EPB41L5: variants seen among roughly 807,000 people sequenced by gnomAD.
EPB41L5 encodes the protein band 4.1-like protein 5.
EPB41L5 carries 55 observed loss-of-function variants against 106.6 expected under a neutral mutation model. The observed-to-expected ratio is 0.52, with a 90% CI of 0.42 to 0.65. The LOEUF is 0.65. Among genes scored for constraint, EPB41L5 ranks in the 30% least tolerant of loss-of-function variants. The pLI is 0.00. For missense variants in EPB41L5, 871 were observed against 882.1 expected (o/e 0.99, Z 0.16); for synonymous variants, 297 against 306.7 (o/e 0.97, Z 0.33).
rs375364339 is a variant in EPB41L5 at position 120,090,458 on chromosome 2, G to A, written c.985G>A (p.Val329Ile). The A allele has an allele frequency of 2.7e-5, 44 of 1,613,682 alleles. 1 individual carries two copies. The highest frequency in any genetic ancestry group is 1.1e-4 in the African/African-American group (8 of 74,976). The change falls in exon 12 of 25, where the codon GTC becomes ATC. Residue 329 changes from valine (V) to isoleucine (I), a missense_variant. Transcript: ENST00000263713. ...TGCTTTCTTCCGCCTTCGAGGCCCC[G>A]TCCAAAAGAGTTCTCATCGATCAGG... ...HHAFFRLRGPVQKSSHRSGFI... is the reference protein window; with the variant it reads ...HHAFFRLRGPIQKSSHRSGFI...
rs1461287578 is a variant in EPB41L5 at position 120,115,933 on chromosome 2, C to T, written c.1338-11755C>T. ...CAGGCGATTCTCATACCTCATCCTC[C>T]TAAGTAGCTGGGATTATAGGAATGC... is the stretch of plus-strand genomic sequence containing the variant. On this transcript the variant is annotated intron_variant, in intron 16 of 24. Coordinates refer to ENST00000263713, the MANE Select transcript of EPB41L5 (RefSeq NM_020909.4). Among the ~76,000 whole-genome samples the T allele has an allele frequency of 2.6e-5, 4 of 152,036 alleles. 1 individual carries two copies. The highest frequency in any genetic ancestry group is 5.9e-5 in the Non-Finnish European group (4 of 68,008).
chr2:120,164,977 CCA>C (rs1454390996), intron 22 of EPB41L5, 67 bp downstream of exon 22: 12 of 1,180,552 alleles, frequency 1.0e-5, no homozygotes, highest in Non-Finnish European at 1.5e-5. Context: ...CTGCTAGATT[CCA>C]GTTTTTTCCT....
intron 2 of EPB41L5, among the ~76,000 whole-genome samples, chr2:120,031,095 C>T (rs564053029): frequency 1.3e-5 from 2 of 152,194 alleles, no homozygotes; most frequent in East Asian, 3.9e-4. Flanking sequence ...TCTCAAACTC[C>T]TGACCTCAGG....
intron 3 of EPB41L5, among the ~76,000 whole-genome samples, chr2:120,063,340 C>CAAAAA (rs1174086865): frequency 1.8e-5 from 1 of 56,054 alleles, no homozygotes; most frequent in Non-Finnish European, 3.8e-5. Context: ...GACTTTGTCT[C>CAAAAA]AAAAAAAAAA....
At chr2:120,123,646 CTTTTTTT>C (rs869296989) in intron 16 of EPB41L5, among the ~76,000 whole-genome samples, 1 of 68,302 alleles carries the variant, frequency 1.5e-5, no homozygotes, top group African/African-American at 5.4e-5. Flanking sequence ...GTGTTCGTCC[CTTTTTTT>C]TTTTTTTTTT....
chr2:120,056,165 C>T (rs1680633878), intron 3 of EPB41L5, among the ~76,000 whole-genome samples: 1 of 149,878 alleles, frequency 6.7e-6, no homozygotes, highest in Non-Finnish European at 1.5e-5. Context: ...TTGTCAATTG[C>T]TTTTTCTGCA....
chr2:120,136,719 C>T (rs985585432), intron 18 of EPB41L5, among the ~76,000 whole-genome samples: 12 of 151,916 alleles, frequency 7.9e-5, no homozygotes, highest in African/African-American at 2.9e-4. Flanking sequence ...ATAATATATG[C>T]ACCTAAAACT....
intron 3 of EPB41L5, 64 bp downstream of exon 3, chr2:120,042,174 A>T: frequency 8.1e-7 from 1 of 1,233,110 alleles, no homozygotes; most frequent in Non-Finnish European, 1.2e-6. Context: ...CAGATGATAT[A>T]CTAATTGCTA....
At chr2:120,173,336 A>T (rs1687771394) in intron 24 of EPB41L5, among the ~76,000 whole-genome samples, 1 of 152,116 alleles carries the variant, frequency 6.6e-6, no homozygotes, top group Non-Finnish European at 1.5e-5. Flanking sequence ...TTGTATAAAC[A>T]CCTCACCCAG....
Position 120,072,422 on chromosome 2 carries a change from A to G in EPB41L5, c.286-756A>G, listed in dbSNP as rs1279093047. Among the ~76,000 whole-genome samples the G allele has an allele frequency of 2.0e-5, 3 of 152,198 alleles. No individual in the cohort carries two copies. The East Asian group carries it at 5.8e-4, about 29-fold the overall frequency. On this transcript the variant is annotated intron_variant, in intron 3 of 24. Transcript: ENST00000263713. The stretch of plus-strand genomic sequence containing the variant: ...AAATATCATTTGACCCAGCAATCCC[A>G]TTACTGCGTATATACCCAAAGGATT...
chr2:120,064,323 A>G (rs1460708974), intron 3 of EPB41L5, among the ~76,000 whole-genome samples: 2 of 152,208 alleles, frequency 1.3e-5, no homozygotes, highest in Non-Finnish European at 2.9e-5. Context: ...TTTCTCTACT[A>G]TAAGCTCTTT....
chr2:120,177,076 G>T lies in EPB41L5; in HGVS notation c.*2169G>T, dbSNP rs1687945851. On this transcript the variant is annotated 3_prime_UTR_variant, in exon 25 of 25. Coordinates refer to ENST00000263713, the MANE Select transcript of EPB41L5 (RefSeq NM_020909.4). ...ATTGGCCCCGACAGATTAAATGCGT[G>T]TTGGGGATTGGTTTCCTGTCATAGC... is the stretch of plus-strand genomic sequence containing the variant. 1 of 152,274 alleles carries T rather than the reference G, an allele frequency of 6.6e-6. No individual in the cohort carries two copies. 9.4% of individuals were successfully genotyped at this position (152,274 alleles called of 1,614,324 possible). A position where few individuals can be genotyped will look rare whatever the true frequency, so the allele number is the denominator to read the frequency against.
At chr2:120,099,933 GGCCATCCTTGATA>G (rs1356418514) in intron 14 of EPB41L5, among the ~76,000 whole-genome samples, 1 of 152,104 alleles carries the variant, frequency 6.6e-6, no homozygotes, top group Admixed American at 6.5e-5. Context: ...GTCTTTGTTA[GGCCATCCTTGATA>G]GCTGTTGTCC....
intron 10 of EPB41L5, among the ~76,000 whole-genome samples, chr2:120,085,068 C>T (rs1381574765): frequency 1.3e-5 from 2 of 152,078 alleles, no homozygotes; most frequent in Admixed American, 6.6e-5. Flanking sequence ...GTGATGGGTT[C>T]GAACTTCCTC....
intron 3 of EPB41L5, among the ~76,000 whole-genome samples, chr2:120,051,915 C>T (rs556297305): frequency 3.6e-4 from 55 of 152,262 alleles, no homozygotes; most frequent in African/African-American, 1.2e-3. Context: ...TAAGCTCCAC[C>T]TCACAGGTTC....
In EPB41L5 at chr2:120,090,050, AAATTAT is replaced by A. The variant is rs1683307366; in HGVS notation, c.874-289_874-284del. Among the ~76,000 whole-genome samples the A allele has an allele frequency of 3.9e-5, 6 of 152,068 alleles. No homozygotes were observed. In the South Asian group the frequency reaches 1.2e-3, roughly 32 times the overall value. ...ACTGCCAGATCTGATATGATTCCTC[AAATTAT>A]AATTATACAGTTATCCCAAATAATG... On this transcript the variant is annotated intron_variant, in intron 11 of 24. Transcript: ENST00000263713.
intron 20 of EPB41L5, among the ~76,000 whole-genome samples, chr2:120,155,334 C>T (rs972695693): frequency 1.3e-5 from 2 of 152,094 alleles, no homozygotes; most frequent in Admixed American, 1.3e-4. Context: ...ATCCCATTGC[C>T]TTCTGGTCTG....
chr2:120,080,339 C>T (rs1006149341), intron 10 of EPB41L5, among the ~76,000 whole-genome samples: 16 of 151,852 alleles, frequency 1.1e-4, no homozygotes, highest in African/African-American at 2.9e-4. Context: ...TTCCCACCGA[C>T]GACTGAGAAC....
At chr2:120,145,290 C>T (rs1013907790) in intron 19 of EPB41L5, among the ~76,000 whole-genome samples, 4 of 152,202 alleles carry the variant, frequency 2.6e-5, no homozygotes, top group Non-Finnish European at 5.9e-5. Flanking sequence ...ATGTTCCTAG[C>T]AGCTTTATAT....
Sources: gnomAD v4.1 joint callset for allele counts (sites outside exome capture counted in the v4.1 genomes callset) on GRCh38, gnomAD v4.1.1 for gene constraint, MANE v1.5 for transcripts, NCBI Gene and HGNC (gene_info 2026-07-23, HGNC 2026-07-21) for gene names.